PRDM16: variants seen among roughly 807,000 people sequenced by gnomAD.
PRDM16 encodes histone-lysine N-methyltransferase PRDM16.
In PRDM16, 23 loss-of-function variants were observed where a neutral mutation model predicts 110.6. The ratio of observed to expected loss-of-function variants is 0.21; its 90% CI spans 0.15 to 0.29. The LOEUF is 0.29. Ranked by LOEUF, PRDM16 falls within the 10% of genes least tolerant of loss-of-function variation. The pLI is 1.00. For missense variants in PRDM16, 1,615 were observed against 1,794.3 expected, an observed-to-expected ratio of 0.90 and a Z score of 1.81; for synonymous variants, 799 against 781.8, an observed-to-expected ratio of 1.02 and a Z score of -0.37.
At chr1:3,139,695 G>C (rs1333531210) in intron 1 of PRDM16, among the ~76,000 whole-genome samples, 1 of 152,260 alleles carries the variant, frequency 6.6e-6, no homozygotes, top group Non-Finnish European at 1.5e-5. Context: ...CTTTGTGAGA[G>C]CTGTGGCCTG....
At chr1:3,237,549 G>C (rs928926231) in intron 2 of PRDM16, among the ~76,000 whole-genome samples, 2 of 152,220 alleles carry the variant, frequency 1.3e-5, no homozygotes, top group African/African-American at 4.8e-5. Context: ...GGCACTCTCC[G>C]TGGGGCAGTG....
intron 1 of PRDM16, among the ~76,000 whole-genome samples, chr1:3,158,762 TTTC>T (rs775933693): frequency 6.6e-6 from 1 of 151,568 alleles, no homozygotes; most frequent in Non-Finnish European, 1.5e-5. Context: ...TCTTTCTTTC[TTTC>T]TTTTCTTTCC....
intron 3 of PRDM16, among the ~76,000 whole-genome samples, chr1:3,355,115 G>A (rs1025385481): frequency 6.6e-6 from 1 of 152,144 alleles, no homozygotes; most frequent in African/African-American, 2.4e-5. Context: ...TTGAGACCAG[G>A]CCTCATAGTG....
chr1:3,285,390 G>T (rs548103752), intron 3 of PRDM16, among the ~76,000 whole-genome samples: 3 of 152,186 alleles, frequency 2.0e-5, no homozygotes, highest in Non-Finnish European at 4.4e-5. Context: ...GTCGTTTTAC[G>T]TTTTCACCTG....
At chr1:3,181,053 T>TAC (rs1399664071) in intron 1 of PRDM16, among the ~76,000 whole-genome samples, 4,631 of 131,806 alleles carry the variant, frequency 0.035, 126 homozygotes, top group Admixed American at 0.049. Flanking sequence ...CACGCAGTCT[T>TAC]ACACGCGGTC....
rs781307328 is a variant in PRDM16 at position 3,208,532 on chromosome 1, G to C, written c.387+22058G>C. 2 of 152,124 alleles carry C rather than the reference G, an allele frequency of 1.3e-5. No homozygotes were observed. Among genetic ancestry groups the C allele is most frequent in the Non-Finnish European group, 2.9e-5 (2 of 68,062 alleles). 9.4% of individuals were successfully genotyped at this position (152,124 alleles called of 1,614,324 possible). ...AATACAAAAATTAGCTGGACGTGGT[G>C]GTGGGCACCTGTAATCCCAGCTACT... On this transcript the variant is annotated intron_variant, in intron 2 of 16. Coordinates refer to ENST00000270722, the MANE Select transcript of PRDM16 (RefSeq NM_022114.4). This position sits in a 1 kb window ranked among gnomAD's most constrained non-coding sequence, Gnocchi z 6.1.
intron 1 of PRDM16, among the ~76,000 whole-genome samples, chr1:3,126,077 C>T (rs1018282861): frequency 2.6e-5 from 4 of 152,246 alleles, no homozygotes; most frequent in African/African-American, 9.6e-5. Context: ...AATCCTCTCC[C>T]TCTTGCAATC....
chr1:3,085,496 AGGCT>A (rs1010602977), intron 1 of PRDM16, among the ~76,000 whole-genome samples: 18 of 152,328 alleles, frequency 1.2e-4, no homozygotes, highest in Non-Finnish European at 2.5e-4. Flanking sequence ...GGACAAGGGA[AGGCT>A]TTGGCTCAGG....
At chr1:3,302,659 T>A (rs754173790) in intron 3 of PRDM16, among the ~76,000 whole-genome samples, 13 of 152,204 alleles carry the variant, frequency 8.5e-5, no homozygotes, top group Non-Finnish European at 1.9e-4. Context: ...CCTTGCAGCC[T>A]CTCTGTGCCT....
chr1:3,433,871 G>C lies in PRDM16; in HGVS notation c.*60G>C. On this transcript the variant is annotated 3_prime_UTR_variant, in exon 17 of 17. Coordinates refer to ENST00000270722, the MANE Select transcript of PRDM16 (RefSeq NM_022114.4). ...AGGGCACCAGCCACGAAGGACGGAG[G>C]CGGGCGGGGCCCCGGAGAACCCTGT... 1 of 1,590,336 alleles carries C rather than the reference G, an allele frequency of 6.3e-7. No homozygotes were observed. Among genetic ancestry groups the C allele is most frequent in the Admixed American group, 1.7e-5 (1 of 58,416 alleles).
At position 3,438,290 on chromosome 1, in the gene PRDM16, A is replaced by C. The variant is rs1638960197; in HGVS notation, c.*4479A>C. On this transcript the variant is annotated 3_prime_UTR_variant, in exon 17 of 17. Transcript: ENST00000270722. Reference sequence around the variant, plus strand: ...TGTAGATGCACTTATTGAATATGTGATTAGGATCTACGTCTGAGACTAGGA... The same window carrying C: ...TGTAGATGCACTTATTGAATATGTGCTTAGGATCTACGTCTGAGACTAGGA... 1 of 200,562 alleles carries C rather than the reference A, an allele frequency of 5.0e-6. No individual in the cohort carries two copies. Among genetic ancestry groups the C allele is most frequent in the Admixed American group, 6.0e-5 (1 of 16,632 alleles). The allele number at this position is 200,562 out of a possible 1,614,324, so 12.4% of individuals were successfully genotyped here. A position where few individuals can be genotyped will look rare whatever the true frequency, so the allele number is the denominator to read the frequency against.
intron 3 of PRDM16, among the ~76,000 whole-genome samples, chr1:3,268,744 G>T (rs936833548): frequency 6.6e-6 from 1 of 152,230 alleles, no homozygotes; most frequent in African/African-American, 2.4e-5. Flanking sequence ...CAGCCTCAGA[G>T]TCCATTGGGG....
chr1:3,133,217 G>C (rs1643370057), intron 1 of PRDM16: 1 of 152,282 alleles, frequency 6.6e-6, no homozygotes, highest in Non-Finnish European at 1.5e-5. Context: ...GGAGCTGCAG[G>C]AAGACCAGGG....
intron 3 of PRDM16, among the ~76,000 whole-genome samples, chr1:3,349,239 T>C (rs72849616): frequency 0.066 from 10,077 of 152,088 alleles, 707 homozygotes; most frequent in East Asian, 0.16. Flanking sequence ...TGGCTCCCAG[T>C]GAGGGTCCCC....
At position 3,190,702 on chromosome 1, in the gene PRDM16, A is replaced by T. The variant is rs1638281946; in HGVS notation, c.387+4228A>T. Among the ~76,000 whole-genome samples, 1 of 152,104 alleles carries T rather than the reference A, an allele frequency of 6.6e-6. No individual in the cohort carries two copies. The highest frequency in any genetic ancestry group is 1.5e-5 in the Non-Finnish European group (1 of 68,014). On this transcript the variant is annotated intron_variant, in intron 2 of 16. Coordinates refer to ENST00000270722, the MANE Select transcript of PRDM16 (RefSeq NM_022114.4). This position sits in a 1 kb window ranked among gnomAD's most constrained non-coding sequence, Gnocchi z 5.0. The stretch of plus-strand genomic sequence containing the variant: ...ACAGCCGGGCTCAGTCTCTTCCCAA[A>T]TACCACGCCCCGCCGGTCGCCGCCG...
intron 2 of PRDM16, among the ~76,000 whole-genome samples, chr1:3,219,500 G>A (rs892626512): frequency 6.6e-6 from 1 of 152,208 alleles, no homozygotes; most frequent in Non-Finnish European, 1.5e-5. Flanking sequence ...GGAGGAGAGC[G>A]CAGGGGGCTG....
At chr1:3,211,256 CCT>C (rs1638876206) in intron 2 of PRDM16, among the ~76,000 whole-genome samples, 1 of 152,194 alleles carries the variant, frequency 6.6e-6, no homozygotes, top group Admixed American at 6.5e-5. Flanking sequence ...GCCCTTCTTC[CCT>C]AAGCTGTCTT....
In PRDM16 at chr1:3,190,726, C is replaced by T. The variant is rs1189871922; in HGVS notation, c.387+4252C>T. Reference sequence around the variant, plus strand: ...AATACCACGCCCCGCCGGTCGCCGCCGAAGCCCACCTGCCTGGAGGAAATC... The same window carrying T: ...AATACCACGCCCCGCCGGTCGCCGCTGAAGCCCACCTGCCTGGAGGAAATC... On this transcript the variant is annotated intron_variant, in intron 2 of 16. Coordinates refer to ENST00000270722, the MANE Select transcript of PRDM16 (RefSeq NM_022114.4). This position sits in a 1 kb window ranked among gnomAD's most constrained non-coding sequence, Gnocchi z 5.0. Among the ~76,000 whole-genome samples the T allele has an allele frequency of 2.6e-5, 4 of 152,212 alleles. No homozygotes were observed. The South Asian group carries it at 6.2e-4, about 24-fold the overall frequency.
intron 3 of PRDM16, among the ~76,000 whole-genome samples, chr1:3,298,934 GC>G (rs2100382610): frequency 6.6e-6 from 1 of 152,328 alleles, no homozygotes; most frequent in South Asian, 2.1e-4. Flanking sequence ...TGGCCTTCAG[GC>G]TGGGTCTCCT....
Sources: allele counts gnomAD v4.1 joint callset (sites outside exome capture counted in the v4.1 genomes callset), GRCh38; gene constraint gnomAD v4.1.1; non-coding constraint Gnocchi (gnomAD v3.1); transcripts MANE v1.5; gene names NCBI Gene and HGNC (gene_info 2026-07-23, HGNC 2026-07-21).